The following WDR41 variants were observed in gnomAD, a reference collection of about 807,000 sequenced individuals.
The protein encoded by WDR41 is WD repeat domain 41.
In WDR41, 63 loss-of-function variants were observed where a neutral mutation model predicts 69.3. That is an observed-to-expected ratio of 0.91 (90% CI 0.74 to 1.12). The LOEUF is 1.12. Among genes scored for constraint, WDR41 ranks in the 50% most tolerant of loss-of-function variants. WDR41 has a pLI of 0.00. For synonymous variants in WDR41, 185 were observed against 192.1 expected, an observed-to-expected ratio of 0.96 and a Z score of 0.31; for missense variants, 543 against 534.5, an observed-to-expected ratio of 1.02 and a Z score of -0.16.
chr5:77,515,148 A>G (rs901195611), intron 1 of WDR41, among the ~76,000 whole-genome samples: 1 of 152,144 alleles, frequency 6.6e-6, no homozygotes, highest in Non-Finnish European at 1.5e-5. Flanking sequence ...AAATTTTTTG[A>G]CTTTTAATAA....
intron 1 of WDR41, among the ~76,000 whole-genome samples, chr5:77,535,385 T>C (rs541008108): frequency 1.3e-5 from 2 of 152,290 alleles, no homozygotes; most frequent in East Asian, 3.9e-4. Context: ...TCAAAAGTCA[T>C]GTCAGACCTT....
rs1220686862 is a variant in WDR41, at chr5:77,432,125, T to C, written c.*1010A>G. 1 of 152,246 alleles carries C rather than the reference T, an allele frequency of 6.6e-6. No individual in the cohort carries two copies. Among genetic ancestry groups the C allele is most frequent in the African/African-American group, 2.4e-5 (1 of 41,476 alleles). The allele number at this position is 152,246 out of a possible 1,614,324, so 9.4% of individuals were successfully genotyped here. A position where few individuals can be genotyped will look rare whatever the true frequency, so the allele number is the denominator to read the frequency against. On this transcript the variant is annotated 3_prime_UTR_variant, in exon 13 of 13. Coordinates refer to ENST00000296679, the MANE Select transcript of WDR41 (RefSeq NM_018268.4). ...CCCTTTAGGGTATATTTGTAGTATA[T>C]TTGTATAATGAACAAATAAATCTGT... is the stretch of plus-strand genomic sequence containing the variant.
chr5:77,474,806 G>C (rs1276946141), intron 2 of WDR41, among the ~76,000 whole-genome samples: 1 of 152,188 alleles, frequency 6.6e-6, no homozygotes, highest in Admixed American at 6.5e-5. Flanking sequence ...TACAGTAGGA[G>C]GAGGAGCCAA....
At chr5:77,461,383 T>A (rs1800050452) in intron 4 of WDR41, among the ~76,000 whole-genome samples, 1 of 152,236 alleles carries the variant, frequency 6.6e-6, no homozygotes, top group Non-Finnish European at 1.5e-5. Flanking sequence ...GAACAATCTG[T>A]CTAGAAAGCA....
chr5:77,545,856 C>A, intron 1 of WDR41: 2 of 645,832 alleles, frequency 3.1e-6, no homozygotes, highest in Non-Finnish European at 5.3e-6. Flanking sequence ...CCTGGCCAAG[C>A]AGTCCATTGT....
At chr5:77,616,070 A>G (rs991678716) in intron 1 of WDR41, among the ~76,000 whole-genome samples, 2 of 151,936 alleles carry the variant, frequency 1.3e-5, no homozygotes, top group Non-Finnish European at 2.9e-5. Flanking sequence ...TAAATTGCTT[A>G]CCTTTAAGTC....
chr5:77,440,995 A>G lies in WDR41; in HGVS notation c.700T>C (p.Leu234=). 3.1e-6 allele frequency: 5 copies of G among 1,613,226 alleles called. No homozygotes were observed. The highest frequency in any genetic ancestry group is 3.4e-6 in the Non-Finnish European group (4 of 1,179,620). ...ACGTGGGAGCCGGTGACAAAACTCA[A>G]ATCTAGGCAAAGTTCACATATGCCT... ...NILSLINVND[L]SFVTGSHVGE... The change falls in exon 9 of 13, where the codon TTG becomes CTG. Residue 234 remains leucine, a splice_region_variant and synonymous_variant. Coordinates refer to ENST00000296679, the MANE Select transcript of WDR41 (RefSeq NM_018268.4).
At chr5:77,447,790 G>A (rs2151300449) in intron 8 of WDR41, among the ~76,000 whole-genome samples, 1 of 152,148 alleles carries the variant, frequency 6.6e-6, no homozygotes, top group African/African-American at 2.4e-5. Context: ...GAAACTGAGA[G>A]GACAGGTTGA....
At chr5:77,582,352 C>T in intron 1 of WDR41, 1 of 1,599,142 alleles carries the variant, frequency 6.3e-7, no homozygotes, top group East Asian at 2.2e-5. Context: ...CATGCGCCAA[C>T]TTCCTCTTTT....
intron 2 of WDR41, among the ~76,000 whole-genome samples, chr5:77,473,041 C>A (rs1800704904): frequency 2.6e-5 from 4 of 151,860 alleles, no homozygotes; most frequent in African/African-American, 9.7e-5. Context: ...CTACAGTAAC[C>A]AAAACAGCAT....
intron 1 of WDR41, among the ~76,000 whole-genome samples, chr5:77,562,088 T>A (rs1166004867): frequency 6.6e-6 from 1 of 152,190 alleles, no homozygotes; most frequent in Non-Finnish European, 1.5e-5. Flanking sequence ...TTGTTTGGAT[T>A]GAGATGGCAT....
chr5:77,545,498 A>G (rs1250258775), intron 1 of WDR41: 1 of 229,812 alleles, frequency 4.4e-6, no homozygotes, highest in Non-Finnish European at 8.4e-6. Context: ...AGTGGCATCC[A>G]GGGCCAGGGT....
At chr5:77,533,552 T>C (rs955031646) in intron 1 of WDR41, among the ~76,000 whole-genome samples, 1 of 152,056 alleles carries the variant, frequency 6.6e-6, no homozygotes, top group African/African-American at 2.4e-5. Context: ...CTATCCCAAA[T>C]ACTTTAGAGT....
At chr5:77,436,896 T>C (rs1411994014) in intron 11 of WDR41, among the ~76,000 whole-genome samples, 1 of 152,186 alleles carries the variant, frequency 6.6e-6, no homozygotes, top group Non-Finnish European at 1.5e-5. Context: ...ACTAAACACC[T>C]GGAAGTCAAG....
At chr5:77,576,469 C>T (rs146984928) in intron 1 of WDR41, among the ~76,000 whole-genome samples, 175 of 152,274 alleles carry the variant, frequency 1.1e-3, no homozygotes, top group African/African-American at 3.9e-3. Context: ...CAGGGCAACA[C>T]CATTTATGCC....
chr5:77,569,463 C>T (rs546173241), intron 1 of WDR41, among the ~76,000 whole-genome samples: 3 of 151,760 alleles, frequency 2.0e-5, no homozygotes, highest in Admixed American at 6.6e-5. Flanking sequence ...AAAAATATAC[C>T]GTATGCCTAT....
intron 5 of WDR41, among the ~76,000 whole-genome samples, chr5:77,458,696 A>G (rs1799926361): frequency 6.6e-6 from 1 of 152,164 alleles, no homozygotes; most frequent in Non-Finnish European, 1.5e-5. Context: ...GAGAAGGCAA[A>G]GGTCATGGGA....
intron 1 of WDR41, among the ~76,000 whole-genome samples, chr5:77,506,926 A>T (rs1276898751): frequency 6.6e-6 from 1 of 152,194 alleles, no homozygotes; most frequent in Non-Finnish European, 1.5e-5. Flanking sequence ...TAGGAGAAAT[A>T]CCTAATGTGA....
chr5:77,448,849 C>T (rs1281254957), intron 8 of WDR41, among the ~76,000 whole-genome samples: 5 of 149,606 alleles, frequency 3.3e-5, no homozygotes, highest in Non-Finnish European at 7.4e-5. Flanking sequence ...GCCTGGGCAA[C>T]ACAGGGAGAC....
Sources: allele counts gnomAD v4.1 joint callset (sites outside exome capture counted in the v4.1 genomes callset), GRCh38; gene constraint gnomAD v4.1.1; transcripts MANE v1.5; gene names NCBI Gene and HGNC (gene_info 2026-07-23, HGNC 2026-07-21).